SHTN1: variants seen among roughly 807,000 people sequenced by gnomAD.
SHTN1 encodes shootin 1.
In SHTN1, 42 loss-of-function variants were observed where a neutral mutation model predicts 83.1. That is an observed-to-expected ratio of 0.51 (90% CI 0.39 to 0.65). The LOEUF is 0.65. Ranked by LOEUF, SHTN1 falls within the 30% of genes least tolerant of loss-of-function variation. The pLI, the probability that SHTN1 is intolerant of heterozygous loss-of-function variation, is 0.00. For synonymous variants in SHTN1, 224 were observed against 247.7 expected (o/e 0.90, Z 0.90); for missense variants, 622 against 737.8 (o/e 0.84, Z 1.82).
chr10:116,973,693 T>C (rs1007566148), intron 2 of SHTN1, among the ~76,000 whole-genome samples: 2 of 152,196 alleles, frequency 1.3e-5, no homozygotes, highest in African/African-American at 2.4e-5. Context: ...GAACAAAACA[T>C]GTACCCATTT....
chr10:117,012,008 C>T (rs768295355), intron 2 of SHTN1, among the ~76,000 whole-genome samples: 12 of 151,536 alleles, frequency 7.9e-5, no homozygotes, highest in Non-Finnish European at 1.2e-4. Context: ...GGCGTGGTGG[C>T]GGGGCCTGTA....
intron 1 of SHTN1, among the ~76,000 whole-genome samples, chr10:117,065,781 A>G (rs71475011): frequency 3.3e-3 from 53 of 15,990 alleles, no homozygotes; most frequent in African/African-American, 5.1e-3. Flanking sequence ...AGAAAGAAAG[A>G]AAGGAAGGAA....
chr10:116,967,302 C>T (rs1850430735), intron 3 of SHTN1, among the ~76,000 whole-genome samples: 1 of 152,092 alleles, frequency 6.6e-6, no homozygotes, highest in Non-Finnish European at 1.5e-5. Flanking sequence ...AAAAAAATAG[C>T]AAAAATTTGG....
chr10:117,097,990 T>C (rs1853530817), intron 1 of SHTN1, among the ~76,000 whole-genome samples: 1 of 150,758 alleles, frequency 6.6e-6, no homozygotes, highest in East Asian at 2.0e-4. Context: ...TGAAGTGGAG[T>C]GGATAGTCCC....
At chr10:117,070,143 C>G (rs1373802403) in intron 1 of SHTN1, among the ~76,000 whole-genome samples, 3 of 150,538 alleles carry the variant, frequency 2.0e-5, no homozygotes, top group Non-Finnish European at 4.4e-5. Context: ...AAAAATCCAG[C>G]CTGCTGCATT....
intron 9 of SHTN1, among the ~76,000 whole-genome samples, chr10:116,932,038 C>T (rs957176964): frequency 1.3e-5 from 2 of 152,194 alleles, no homozygotes; most frequent in African/African-American, 2.4e-5. Flanking sequence ...GGTGTGAAAG[C>T]GACATGCATT....
At chr10:117,091,556 A>G (rs934960377) in intron 1 of SHTN1, among the ~76,000 whole-genome samples, 1 of 152,194 alleles carries the variant, frequency 6.6e-6, no homozygotes, top group Non-Finnish European at 1.5e-5. Context: ...AGTTACCCTG[A>G]GGGAACAAAA....
At chr10:116,892,221 A>G (rs1454572336) in intron 16 of SHTN1, among the ~76,000 whole-genome samples, 2 of 152,142 alleles carry the variant, frequency 1.3e-5, no homozygotes, top group East Asian at 1.9e-4. Context: ...ACCTTGTAGG[A>G]TATTATCTTA....
intron 1 of SHTN1, among the ~76,000 whole-genome samples, chr10:117,050,585 A>G (rs1263386018): frequency 1.3e-5 from 2 of 152,178 alleles, no homozygotes; most frequent in Admixed American, 6.5e-5. Context: ...AATAATCAAT[A>G]TTAGAGTGCA....
intron 2 of SHTN1, among the ~76,000 whole-genome samples, chr10:117,037,997 T>TAAAA (rs1852525949): frequency 1.0e-4 from 1 of 9,790 alleles, no homozygotes; most frequent in African/African-American, 2.7e-4. Context: ...GAGCGAGACT[T>TAAAA]CAAAAAAAAA....
In SHTN1 at chr10:116,883,191, C is replaced by T. The variant is rs2133289588; in HGVS notation, c.*3153G>A. The T allele has an allele frequency of 6.6e-6, 1 of 152,258 alleles. No individual in the cohort carries two copies. Among genetic ancestry groups the T allele is most frequent in the East Asian group, 1.9e-4 (1 of 5,172 alleles). 9.4% of individuals were successfully genotyped at this position (152,258 alleles called of 1,614,324 possible). ...CACCTATCCTCGAGACTGCACTCAC[C>T]AATGGATAATTAGCATTTTAATTTA... On this transcript the variant is annotated 3_prime_UTR_variant, in exon 17 of 17. Transcript: ENST00000355371.
intron 1 of SHTN1, among the ~76,000 whole-genome samples, chr10:117,108,012 A>G (rs12258021): frequency 0.012 from 1,826 of 152,168 alleles, 31 homozygotes; most frequent in African/African-American, 0.042. Flanking sequence ...TTTATAGATA[A>G]TTTTTATCTT....
At chr10:116,964,844 T>G (rs1850333231) in intron 3 of SHTN1, among the ~76,000 whole-genome samples, 1 of 152,038 alleles carries the variant, frequency 6.6e-6, no homozygotes, top group Non-Finnish European at 1.5e-5. Context: ...TAGCTGCCTG[T>G]AATCCCAGCT....
chr10:116,970,501 G>A (rs547889003), intron 2 of SHTN1, among the ~76,000 whole-genome samples: 26 of 152,240 alleles, frequency 1.7e-4, no homozygotes, highest in Non-Finnish European at 3.2e-4. Context: ...GGATCATGAG[G>A]TCAAGAGATC....
rs1212993267 is a variant in SHTN1 at position 116,927,801 on chromosome 10, T to C, written c.1103A>G (p.Asn368Ser). The C allele has an allele frequency of 3.1e-6, 5 of 1,590,658 alleles. No individual in the cohort carries two copies. The highest frequency in any genetic ancestry group is 1.4e-5 in the African/African-American group (1 of 73,694). The change falls in exon 11 of 17, where the codon AAT (asparagine) becomes AGT (serine). Residue 368 changes from asparagine (N) to serine (S), a missense_variant. Asn to Ser is a conservative substitution (Grantham distance 46). Coordinates refer to ENST00000355371, the MANE Select transcript of SHTN1 (RefSeq NM_001127211.3). ...PPPPLPPPPP[N>S]PIRSLMSMIR... is the part of the protein sequence containing the mutation. ...TCCTGGATGTGCTTACCGGATAGGA[T>C]TGGGAGGTGGAGGGGGAAGTGGTGG...
chr10:116,890,657 C>T (rs1208101540), intron 16 of SHTN1, among the ~76,000 whole-genome samples: 2 of 152,222 alleles, frequency 1.3e-5, no homozygotes, highest in Admixed American at 6.5e-5. Context: ...CTCTATGAAG[C>T]CTGGTGCCCA....
intron 1 of SHTN1, among the ~76,000 whole-genome samples, chr10:117,113,017 C>T (rs1853789698): frequency 6.6e-6 from 1 of 152,024 alleles, no homozygotes; most frequent in African/African-American, 2.4e-5. Context: ...GTCATGATTT[C>T]TAGGCAATTG....
At chr10:117,054,952 A>G (rs534542091) in intron 1 of SHTN1, among the ~76,000 whole-genome samples, 5 of 152,186 alleles carry the variant, frequency 3.3e-5, no homozygotes, top group Non-Finnish European at 7.3e-5. Context: ...TCACACTGCT[A>G]TAAAGAACTA....
intron 2 of SHTN1, among the ~76,000 whole-genome samples, chr10:117,027,720 G>A (rs769958572): frequency 6.6e-6 from 1 of 152,240 alleles, no homozygotes. Flanking sequence ...GGATGGTCTC[G>A]ATCTCCTGAC....
Sources: allele counts gnomAD v4.1 joint callset (sites outside exome capture counted in the v4.1 genomes callset), GRCh38; gene constraint gnomAD v4.1.1; transcripts MANE v1.5; gene names NCBI Gene and HGNC (gene_info 2026-07-23, HGNC 2026-07-21).